RICTOR: variants seen among roughly 807,000 people sequenced by gnomAD.
RICTOR encodes RPTOR independent companion of MTOR complex 2, also known as rapamycin-insensitive companion of mTOR.
A neutral mutation model predicts 214.9 loss-of-function variants in RICTOR; 49 were observed. The observed-to-expected ratio is 0.23, with a 90% CI of 0.18 to 0.29. RICTOR has a LOEUF of 0.29. Among genes scored for constraint, RICTOR ranks in the 10% least tolerant of loss-of-function variants. The pLI is 1.00. For synonymous variants in RICTOR, 717 were observed against 711.3 expected, an observed-to-expected ratio of 1.01 and a Z score of -0.13; for missense variants, 1,625 against 2,047.0, an observed-to-expected ratio of 0.79 and a Z score of 3.98.
intron 2 of RICTOR, among the ~76,000 whole-genome samples, chr5:39,024,893 A>G (rs1182469274): frequency 2.0e-5 from 3 of 152,224 alleles, no homozygotes; most frequent in Non-Finnish European, 4.4e-5. Context: ...CATTCAACAA[A>G]TATTAACTGA....
Position 38,939,042 on chromosome 5 carries a change from C to A in RICTOR, c.*3262G>T, listed in dbSNP as rs1377793106. The stretch of plus-strand genomic sequence containing the variant: ...AGTAGTTTACAAAGTTCATCTCACA[C>A]AAAATTAGCACCTCACTCTTACCAT... On this transcript the variant is annotated 3_prime_UTR_variant, in exon 38 of 38. Transcript: ENST00000357387. 4.3e-6 allele frequency: 1 copy of A among 232,946 alleles called. No homozygotes were observed. The highest frequency in any genetic ancestry group is 2.2e-5 in the African/African-American group (1 of 45,308). 14.4% of individuals were successfully genotyped at this position (232,946 alleles called of 1,614,324 possible).
At chr5:38,992,255 G>C (rs1284855474) in intron 6 of RICTOR, among the ~76,000 whole-genome samples, 1 of 152,100 alleles carries the variant, frequency 6.6e-6, no homozygotes, top group African/African-American at 2.4e-5. Flanking sequence ...TGAAAAAGGA[G>C]AGAAAGAAAG....
intron 7 of RICTOR, among the ~76,000 whole-genome samples, chr5:38,984,734 G>A (rs1752020746): frequency 6.6e-6 from 1 of 151,762 alleles, no homozygotes; most frequent in Non-Finnish European, 1.5e-5. Flanking sequence ...TACTTCAGGT[G>A]GCAAAAAAAC....
In RICTOR at chr5:38,963,216, A is replaced by T. The variant is rs1186737690; in HGVS notation, c.1401-175T>A. ...ACAAAAAATAACACTACTGATTTATATAAAGACACACTGATTATTTAGATG... is the reference window on the plus strand; with the variant it reads ...ACAAAAAATAACACTACTGATTTATTTAAAGACACACTGATTATTTAGATG... On this transcript the variant is annotated intron_variant, in intron 16 of 37. Transcript: ENST00000357387. Among the ~76,000 whole-genome samples the T allele has an allele frequency of 3.8e-4, 58 of 152,078 alleles. 1 individual carries two copies. Among genetic ancestry groups the T allele is most frequent in the Admixed American group, 3.7e-3 (56 of 15,260 alleles).
chr5:38,946,996 AT>A (rs11353714), intron 32 of RICTOR, among the ~76,000 whole-genome samples: 145,061 of 152,180 alleles, frequency 0.95, 69,283 homozygotes, highest in East Asian at 0.99. Flanking sequence ...TCTACAGAGA[AT>A]ATATGGATAA....
intron 8 of RICTOR, among the ~76,000 whole-genome samples, chr5:38,980,190 T>G (rs1009531790): frequency 1.3e-5 from 2 of 152,210 alleles, no homozygotes; most frequent in Non-Finnish European, 2.9e-5. Context: ...GTTGTTTTAA[T>G]GTCTTTTTCC....
At position 38,994,419 on chromosome 5, in the gene RICTOR, TAAAAAAAAA is replaced by T. The variant is rs869254811; in HGVS notation, c.456+2391_456+2399del. 2.7e-3 allele frequency among the ~76,000 whole-genome samples: 154 copies of T among 57,154 alleles called. 3 individuals carry two copies. Among genetic ancestry groups the T allele is most frequent in the Middle Eastern group, 0.018 (1 of 56 alleles). 37.5% of individuals were successfully genotyped at this position (57,154 alleles called of 152,430 possible). On this transcript the variant is annotated intron_variant, in intron 6 of 37. Transcript: ENST00000357387. ...TGTAGTACAGCTGCCAAGGTTTTAC[TAAAAAAAAA>T]AAAAAAAAAAAAAAAAAAAAAAAAG...
At chr5:39,058,794 T>C (rs1758355518) in intron 2 of RICTOR, among the ~76,000 whole-genome samples, 1 of 152,114 alleles carries the variant, frequency 6.6e-6, no homozygotes, top group Non-Finnish European at 1.5e-5. Flanking sequence ...AGAAACATAA[T>C]TAGGTCAACA....
At chr5:39,042,648 T>A (rs1757248530) in intron 2 of RICTOR, among the ~76,000 whole-genome samples, 1 of 152,328 alleles carries the variant, frequency 6.6e-6, no homozygotes, top group South Asian at 2.1e-4. Context: ...CTTAATTGTA[T>A]AATTATTTGA....
At chr5:39,002,059 A>G (rs961761429) in intron 5 of RICTOR, among the ~76,000 whole-genome samples, 1 of 152,010 alleles carries the variant, frequency 6.6e-6, no homozygotes, top group Non-Finnish European at 1.5e-5. Flanking sequence ...CTTCTACAAG[A>G]ACATTCAGGG....
chr5:39,000,371 A>G (rs1367814577), intron 5 of RICTOR, among the ~76,000 whole-genome samples: 1 of 152,026 alleles, frequency 6.6e-6, no homozygotes, highest in African/African-American at 2.4e-5. Flanking sequence ...ATGAATGGAA[A>G]AATAATGGTC....
intron 33 of RICTOR, 23 bp from the exon 34 acceptor site, chr5:38,945,747 C>A: frequency 8.0e-7 from 1 of 1,250,020 alleles, no homozygotes; most frequent in East Asian, 2.4e-5. Context: ...AAATATAAAA[C>A]ATAATCCAAT....
intron 32 of RICTOR, 145 bp from the exon 33 acceptor site, chr5:38,946,697 C>G (rs1748244203): frequency 1.7e-6 from 1 of 589,106 alleles, no homozygotes; most frequent in Non-Finnish European, 3.0e-6. Context: ...GTTCAACTAC[C>G]AAAACTTAAC....
chr5:38,944,357 C>G, intron 36 of RICTOR, 89 bp downstream of exon 36: 1 of 1,339,626 alleles, frequency 7.5e-7, no homozygotes, highest in African/African-American at 1.5e-5. Flanking sequence ...TGTAAGTTAA[C>G]TAGCCTAACT....
chr5:38,963,378 A>G (rs1282093359), intron 16 of RICTOR, among the ~76,000 whole-genome samples: 1 of 151,986 alleles, frequency 6.6e-6, no homozygotes, highest in African/African-American at 2.4e-5. Context: ...CTTTTCACGT[A>G]TAAATCCTTA....
chr5:39,070,160 G>A (rs1328474578), intron 2 of RICTOR, among the ~76,000 whole-genome samples: 1 of 152,202 alleles, frequency 6.6e-6, no homozygotes, highest in Admixed American at 6.5e-5. Context: ...AGAAGAAACT[G>A]GAAAATAAAA....
chr5:38,979,621 G>C (rs760297008), intron 8 of RICTOR, among the ~76,000 whole-genome samples: 27 of 152,190 alleles, frequency 1.8e-4, no homozygotes, highest in Non-Finnish European at 3.1e-4. Context: ...CATGGTTATG[G>C]CTCAAAGTCT....
intron 3 of RICTOR, among the ~76,000 whole-genome samples, chr5:39,010,744 A>G (rs1561529240): frequency 6.6e-6 from 1 of 152,220 alleles, no homozygotes; most frequent in Non-Finnish European, 1.5e-5. Context: ...TGAACTTGAG[A>G]GAAATGATTT....
At chr5:38,964,770 T>C (rs1410591780) in intron 16 of RICTOR, 22 bp downstream of exon 16, 5 of 1,260,564 alleles carry the variant, frequency 4.0e-6, no homozygotes, top group Non-Finnish European at 5.6e-6. Context: ...AACAAAAGCT[T>C]TGCTAAAGCT....
Sources: allele counts gnomAD v4.1 joint callset (sites outside exome capture counted in the v4.1 genomes callset), GRCh38; gene constraint gnomAD v4.1.1; transcripts MANE v1.5; gene names NCBI Gene and HGNC (gene_info 2026-07-23, HGNC 2026-07-21).